Variants in MLLT10 observed in about 807,000 individuals in gnomAD.
The protein encoded by MLLT10 is MLLT10 histone lysine methyltransferase DOT1L cofactor, also known as protein AF-10.
In MLLT10, 30 loss-of-function variants were observed where a neutral mutation model predicts 129.1. The observed-to-expected ratio is 0.23, with a 90% CI of 0.17 to 0.32. MLLT10 has a LOEUF of 0.32. Among genes scored for constraint, MLLT10 ranks in the 10% least tolerant of loss-of-function variants. The probability of loss-of-function intolerance (pLI) is 1.00; values close to 1 mark genes in which losing one functional copy is unlikely to be tolerated. For missense variants in MLLT10, 1,119 were observed against 1,268.3 expected (o/e 0.88, Z 1.79); for synonymous variants, 490 against 446.4 (o/e 1.10, Z -1.23).
chr10:21,665,565 G>GGT (rs1328533713), intron 9 of MLLT10, among the ~76,000 whole-genome samples: 4 of 152,016 alleles, frequency 2.6e-5, no homozygotes, highest in Non-Finnish European at 4.4e-5. Flanking sequence ...TGGGATTACA[G>GGT]GTGTGAGCCA....
chr10:21,535,121 T>TG (rs1296067066), intron 2 of MLLT10, among the ~76,000 whole-genome samples: 3 of 85,276 alleles, frequency 3.5e-5, no homozygotes, highest in African/African-American at 1.2e-4. Flanking sequence ...TGGGCCGGGG[T>TG]GGGGGCGGGG....
chr10:21,704,333 C>G (rs1391294047), intron 13 of MLLT10, among the ~76,000 whole-genome samples: 1 of 59,306 alleles, frequency 1.7e-5, no homozygotes, highest in Non-Finnish European at 3.4e-5. Context: ...TTTAAATTCT[C>G]TCTCTCTCTC....
intron 13 of MLLT10, among the ~76,000 whole-genome samples, chr10:21,710,405 G>A (rs201103796): frequency 1.1e-4 from 16 of 152,218 alleles, no homozygotes; most frequent in African/African-American, 3.9e-4. Flanking sequence ...TCCAGTGTTG[G>A]CAAATCTTCA....
At chr10:21,691,102 C>G (rs1470990366) in intron 13 of MLLT10, among the ~76,000 whole-genome samples, 1 of 152,126 alleles carries the variant, frequency 6.6e-6, no homozygotes, top group Admixed American at 6.5e-5. Flanking sequence ...CTTAGTGAAT[C>G]GGACATCAGA....
At chr10:21,714,063 T>C in intron 14 of MLLT10, 113 bp downstream of exon 14, 2 of 839,948 alleles carry the variant, frequency 2.4e-6, no homozygotes, top group South Asian at 2.2e-5. Context: ...ATTTATGAAA[T>C]ACCTCAATTT....
intron 3 of MLLT10, among the ~76,000 whole-genome samples, chr10:21,567,415 A>G (rs1054066193): frequency 9.9e-5 from 15 of 152,042 alleles, no homozygotes; most frequent in African/African-American, 3.4e-4. Context: ...TGTGTAGGTG[A>G]AAGTTCTCAC....
At chr10:21,738,715 G>A (rs2050905) in intron 21 of MLLT10, among the ~76,000 whole-genome samples, 107,996 of 152,076 alleles carry the variant, frequency 0.71, 40,050 homozygotes, top group East Asian at 0.97. Flanking sequence ...AGAGTTGATC[G>A]CTTTTCCTCC....
chr10:21,711,546 A>G (rs1448777720), intron 13 of MLLT10, among the ~76,000 whole-genome samples: 1 of 138,856 alleles, frequency 7.2e-6, no homozygotes, highest in Non-Finnish European at 1.5e-5. Flanking sequence ...GCATAGTGAG[A>G]CCCCATCTCT....
intron 13 of MLLT10, among the ~76,000 whole-genome samples, chr10:21,701,921 G>A (rs775027897): frequency 4.8e-5 from 7 of 146,634 alleles, no homozygotes; most frequent in East Asian, 2.1e-4. Flanking sequence ...TTCTCGTCTC[G>A]TCTCGTCTCG....
At chr10:21,678,832 ACT>A (rs2052450847) in intron 11 of MLLT10, among the ~76,000 whole-genome samples, 1 of 152,102 alleles carries the variant, frequency 6.6e-6, no homozygotes, top group South Asian at 2.1e-4. Context: ...CTCTTTAGTT[ACT>A]CTCTCATTTG....
intron 3 of MLLT10, among the ~76,000 whole-genome samples, chr10:21,543,667 T>C (rs1329363322): frequency 1.3e-5 from 2 of 151,810 alleles, no homozygotes; most frequent in Non-Finnish European, 2.9e-5. Context: ...TTAGTAGAGA[T>C]GGGGTTTCTT....
At chr10:21,726,093 A>G in intron 14 of MLLT10, 151 bp from the exon 15 acceptor site, 1 of 579,876 alleles carries the variant, frequency 1.7e-6, no homozygotes, top group Non-Finnish European at 3.0e-6. Flanking sequence ...GAATGGTAAA[A>G]CAAGTAAGAA....
At chr10:21,664,215 TATC>T (rs2050503453) in intron 9 of MLLT10, among the ~76,000 whole-genome samples, 1 of 152,164 alleles carries the variant, frequency 6.6e-6, no homozygotes, top group Admixed American at 6.5e-5. Context: ...ATTTTTGTGT[TATC>T]ATTCCTTTTA....
chr10:21,590,119 T>C (rs79549113), intron 4 of MLLT10, among the ~76,000 whole-genome samples: 2 of 152,056 alleles, frequency 1.3e-5, no homozygotes, highest in Non-Finnish European at 2.9e-5. Context: ...TTGTATTTTT[T>C]GTAGAGACAC....
At chr10:21,665,909 G>A (rs1214357809) in intron 9 of MLLT10, among the ~76,000 whole-genome samples, 1 of 151,988 alleles carries the variant, frequency 6.6e-6, no homozygotes, top group African/African-American at 2.4e-5. Context: ...GTTTTACCAT[G>A]TTGGCCAGGC....
chr10:21,607,744 T>A (rs1231199287), intron 5 of MLLT10, among the ~76,000 whole-genome samples: 1 of 152,216 alleles, frequency 6.6e-6, no homozygotes, highest in East Asian at 1.9e-4. Context: ...TTAAATTAAA[T>A]AGATAAGAGA....
chr10:21,569,932 G>A (rs1325423915), intron 3 of MLLT10, among the ~76,000 whole-genome samples: 1 of 151,388 alleles, frequency 6.6e-6, no homozygotes, highest in Non-Finnish European at 1.5e-5. Context: ...TTCTTGAGAC[G>A]GGGTGCCGCT....
chr10:21,626,722 T>A (rs7901657), intron 8 of MLLT10, among the ~76,000 whole-genome samples: 4,288 of 152,258 alleles, frequency 0.028, 200 homozygotes, highest in African/African-American at 0.096. Context: ...CTCTCAGTCA[T>A]ATCATTGGAA....
chr10:21,741,633 A>G (rs551008432), intron 22 of MLLT10, among the ~76,000 whole-genome samples: 1 of 152,218 alleles, frequency 6.6e-6, no homozygotes, highest in Non-Finnish European at 1.5e-5. Flanking sequence ...TTCATTCTCT[A>G]CAGTACCATG....
Sources: allele counts gnomAD v4.1 joint callset (sites outside exome capture counted in the v4.1 genomes callset), GRCh38; gene constraint gnomAD v4.1.1; transcripts MANE v1.5; gene names NCBI Gene and HGNC (gene_info 2026-07-23, HGNC 2026-07-21).